ZBBX: variants seen among roughly 807,000 people sequenced by gnomAD.
ZBBX encodes zinc finger B-box domain containing.
A neutral mutation model predicts 108.5 loss-of-function variants in ZBBX; 101 were observed. The observed-to-expected ratio is 0.93, with a 90% CI of 0.79 to 1.10. The LOEUF (loss-of-function observed/expected upper bound fraction) is 1.10. Ranked by LOEUF, ZBBX falls within the 50% of genes least tolerant of loss-of-function variation. The pLI is 0.00. For missense variants in ZBBX, 1,009 were observed against 941.4 expected (o/e 1.07, Z -0.94); for synonymous variants, 356 against 323.4 (o/e 1.10, Z -1.08).
the ZBBX span, among the ~76,000 whole-genome samples, chr3:167,230,754 G>A: frequency 8.6e-5 from 13 of 151,748 alleles, no homozygotes; most frequent in East Asian, 1.9e-4. Flanking sequence ...CTTTGGAAGC[G>A]ATTGGGAAAA....
intron 20 of ZBBX, among the ~76,000 whole-genome samples, chr3:167,278,309 G>T (rs1224208270): frequency 2.7e-5 from 4 of 150,704 alleles, no homozygotes; most frequent in Non-Finnish European, 1.5e-5. Context: ...ATGAATCCAG[G>T]AGCTGGTTTT....
intron 9 of ZBBX, among the ~76,000 whole-genome samples, chr3:167,344,436 G>C (rs1385946308): frequency 6.6e-6 from 1 of 151,604 alleles, no homozygotes; most frequent in African/African-American, 2.4e-5. Context: ...TTTTTCATTT[G>C]TCTTTTGGCT....
At chr3:167,345,036 A>C (rs1741198914) in intron 9 of ZBBX, among the ~76,000 whole-genome samples, 1 of 151,898 alleles carries the variant, frequency 6.6e-6, no homozygotes, top group Admixed American at 6.6e-5. Context: ...AAATCCTTTT[A>C]ATTATCCAAT....
chr3:167,213,752 A>G, the ZBBX span, among the ~76,000 whole-genome samples: 1 of 152,160 alleles, frequency 6.6e-6, no homozygotes, highest in African/African-American at 2.4e-5. Context: ...CAAGGTCGAA[A>G]TGAAAGAATG....
intron 9 of ZBBX, among the ~76,000 whole-genome samples, chr3:167,348,300 AAGAG>A (rs1198089608): frequency 6.0e-5 from 8 of 133,684 alleles, no homozygotes; most frequent in Admixed American, 5.5e-4. Flanking sequence ...GGAAAGAAGA[AAGAG>A]AGAAAGAAAG....
the ZBBX span, among the ~76,000 whole-genome samples, chr3:167,185,732 A>C: frequency 6.6e-6 from 1 of 152,112 alleles, no homozygotes; most frequent in Non-Finnish European, 1.5e-5. Flanking sequence ...TGTACGGCCT[A>C]TATATGTTGT....
At chr3:167,230,543 CAAGAAT>C in the ZBBX span, among the ~76,000 whole-genome samples, 1 of 151,642 alleles carries the variant, frequency 6.6e-6, no homozygotes, top group Admixed American at 6.6e-5. Flanking sequence ...TAAGATGAGA[CAAGAAT>C]AATATAAAGG....
intron 20 of ZBBX, among the ~76,000 whole-genome samples, chr3:167,279,829 A>G (rs1477118316): frequency 1.3e-5 from 2 of 152,188 alleles, no homozygotes; most frequent in East Asian, 3.9e-4. Context: ...GAGGCATCAT[A>G]CTACCTGACT....
At chr3:167,368,383 G>T in intron 5 of ZBBX, 78 bp downstream of exon 5, 1 of 1,020,092 alleles carries the variant, frequency 9.8e-7, no homozygotes. Flanking sequence ...TGTTTTTATT[G>T]GAATGACAAC....
intron 6 of ZBBX, among the ~76,000 whole-genome samples, chr3:167,362,389 T>C (rs928466631): frequency 2.6e-5 from 4 of 152,036 alleles, no homozygotes; most frequent in Non-Finnish European, 2.9e-5. Context: ...CAGAATATGC[T>C]GTCATCATCA....
At chr3:167,395,739 C>G (rs1285378327) in intron 1 of ZBBX, among the ~76,000 whole-genome samples, 2 of 151,938 alleles carry the variant, frequency 1.3e-5, no homozygotes, top group Non-Finnish European at 2.9e-5. Context: ...GCTGAGGGTT[C>G]CCTTCAATTT....
chr3:167,391,721 C>A (rs1008683363), intron 1 of ZBBX, among the ~76,000 whole-genome samples: 1 of 151,668 alleles, frequency 6.6e-6, no homozygotes, highest in Non-Finnish European at 1.5e-5. Context: ...TTCTTTTCAT[C>A]AAATTTATTC....
intron 20 of ZBBX, among the ~76,000 whole-genome samples, chr3:167,247,939 T>C (rs189548663): frequency 6.6e-6 from 1 of 152,200 alleles, no homozygotes; most frequent in Non-Finnish European, 1.5e-5. Flanking sequence ...ATTCCCAGAC[T>C]TCGTATCTTT....
At chr3:167,251,144 G>A (rs1722523845) in intron 20 of ZBBX, among the ~76,000 whole-genome samples, 2 of 152,298 alleles carry the variant, frequency 1.3e-5, no homozygotes, top group East Asian at 1.9e-4. Context: ...TGGGGCTGCT[G>A]AGTGGCCCAA....
chr3:167,267,017 C>T lies in ZBBX; in HGVS notation c.2254+15221G>A, dbSNP rs532218531. On this transcript the variant is annotated intron_variant, in intron 20 of 21. Transcript: ENST00000675490. ...GGAAAATGGGGCTCACATACTGCAG[C>T]GACCAGGTAAACTCTGTGCACAAAC... 3.1e-4 allele frequency among the ~76,000 whole-genome samples: 47 copies of T among 152,228 alleles called. No individual in the cohort carries two copies. In the South Asian group the frequency reaches 3.1e-3, roughly 10 times the overall value.
intron 20 of ZBBX, among the ~76,000 whole-genome samples, chr3:167,245,317 C>T (rs567807301): frequency 2.0e-5 from 3 of 152,262 alleles, no homozygotes; most frequent in South Asian, 2.1e-4. Flanking sequence ...GAGCTGAGAT[C>T]GCACCACTGC....
At chr3:167,375,741 A>C (rs1746858537) in intron 2 of ZBBX, among the ~76,000 whole-genome samples, 1 of 152,148 alleles carries the variant, frequency 6.6e-6, no homozygotes, top group Non-Finnish European at 1.5e-5. Flanking sequence ...GACTATCTCC[A>C]AAAATTAAAT....
chr3:167,382,928 T>C (rs1299068562), upstream of ZBBX, among the ~76,000 whole-genome samples: 3 of 152,122 alleles, frequency 2.0e-5, no homozygotes, highest in Admixed American at 6.6e-5. Flanking sequence ...TAACCAGTTT[T>C]GTATCTAACC....
intron 1 of ZBBX, among the ~76,000 whole-genome samples, chr3:167,387,756 G>C (rs1045232553): frequency 2.6e-5 from 4 of 151,970 alleles, no homozygotes; most frequent in Admixed American, 1.3e-4. Flanking sequence ...AGGAAGCAAA[G>C]CTGAAGGGAA....
Sources: gnomAD v4.1 joint callset for allele counts (sites outside exome capture counted in the v4.1 genomes callset) on GRCh38, gnomAD v4.1.1 for gene constraint, MANE v1.5 for transcripts, NCBI Gene and HGNC (gene_info 2026-07-23, HGNC 2026-07-21) for gene names.